The following DOCK9 variants were observed in gnomAD, a reference collection of about 807,000 sequenced individuals.
DOCK9 encodes dedicator of cytokinesis 9.
In DOCK9, 89 loss-of-function variants were observed where a neutral mutation model predicts 263.3. The ratio of observed to expected loss-of-function variants is 0.34; its 90% CI spans 0.28 to 0.40. DOCK9 has a LOEUF of 0.40. Ranked by LOEUF, DOCK9 falls within the 10% of genes least tolerant of loss-of-function variation. The pLI is 1.00. For missense variants in DOCK9, 2,140 were observed against 2,603.4 expected, an observed-to-expected ratio of 0.82 and a Z score of 3.87; for synonymous variants, 976 against 973.1, an observed-to-expected ratio of 1.00 and a Z score of -0.06.
chr13:99,056,345 T>C (rs148414604), intron 1 of DOCK9, among the ~76,000 whole-genome samples: 2 of 152,346 alleles, frequency 1.3e-5, no homozygotes, highest in Non-Finnish European at 2.9e-5. Flanking sequence ...TTTGAGAGTT[T>C]GTCTTTTAAA....
chr13:98,989,281 C>T (rs1211011049), intron 1 of DOCK9, among the ~76,000 whole-genome samples: 1 of 151,324 alleles, frequency 6.6e-6, no homozygotes, highest in Admixed American at 6.6e-5. Context: ...CCTAGTTCTG[C>T]CTCAAGTCAT....
chr13:99,029,522 T>G (rs1003294497), intron 1 of DOCK9, among the ~76,000 whole-genome samples: 1 of 152,180 alleles, frequency 6.6e-6, no homozygotes, highest in Non-Finnish European at 1.5e-5. Flanking sequence ...ATAAACAATT[T>G]TTAAAAACTA....
At chr13:98,860,155 A>G (rs2093819322) in intron 33 of DOCK9, 2 of 1,336,042 alleles carry the variant, frequency 1.5e-6, no homozygotes, top group Non-Finnish European at 1.9e-6. Context: ...AACGTTGAAC[A>G]AAAAGCAAAC....
At chr13:98,894,723 T>C (rs1330785854) in intron 15 of DOCK9, among the ~76,000 whole-genome samples, 3 of 151,792 alleles carry the variant, frequency 2.0e-5, no homozygotes, top group Non-Finnish European at 4.4e-5. Flanking sequence ...GTATGTATGA[T>C]AATATATTAC....
chr13:98,844,143 G>T (rs2141301712), intron 38 of DOCK9, among the ~76,000 whole-genome samples: 1 of 152,264 alleles, frequency 6.6e-6, no homozygotes, highest in East Asian at 1.9e-4. Context: ...TCCTGGTTTT[G>T]TTCCAATCCC....
chr13:99,024,732 T>C (rs1204844718), intron 1 of DOCK9, among the ~76,000 whole-genome samples: 2 of 152,202 alleles, frequency 1.3e-5, no homozygotes, highest in Non-Finnish European at 2.9e-5. Flanking sequence ...TATTGCAATT[T>C]AGTGAGATTT....
Position 98,950,084 on chromosome 13 carries a change from C to G in DOCK9, c.243+5351G>C, listed in dbSNP as rs1209565386. The G allele has an allele frequency of 2.1e-5, 10 of 470,526 alleles. No individual in the cohort carries two copies. In the East Asian group the frequency reaches 4.3e-4, roughly 20 times the overall value. 29.1% of individuals were successfully genotyped at this position (470,526 alleles called of 1,614,324 possible). A position where few individuals can be genotyped will look rare whatever the true frequency, so the allele number is the denominator to read the frequency against. ...CAACATTTTAGGCTCTTTGGGGTGA[C>G]TTTTACAAAGATACCACTGAAAATT... is the stretch of plus-strand genomic sequence containing the variant. On this transcript the variant is annotated intron_variant, in intron 2 of 52. Coordinates refer to ENST00000682017, the MANE Select transcript of DOCK9 (RefSeq NM_001366683.2).
chr13:98,870,260 G>A (rs1458390364), intron 27 of DOCK9, among the ~76,000 whole-genome samples: 1 of 152,150 alleles, frequency 6.6e-6, no homozygotes, highest in Non-Finnish European at 1.5e-5. Context: ...ACGAGGAAAT[G>A]TTTATAACCT....
At chr13:98,920,306 C>T (rs2051724999) in intron 7 of DOCK9, among the ~76,000 whole-genome samples, 2 of 152,050 alleles carry the variant, frequency 1.3e-5, no homozygotes, top group Admixed American at 1.3e-4. Flanking sequence ...GTACAACAGC[C>T]CTATGATAAC....
In DOCK9 at chr13:98,863,684, A is replaced by C. The variant is rs2093940407; in HGVS notation, c.3287-136T>G. The C allele has an allele frequency of 4.9e-5, 43 of 874,908 alleles. 1 individual carries two copies. The South Asian group carries it at 8.2e-4, about 17-fold the overall frequency. The allele number at this position is 874,908 out of a possible 1,614,324, so 54.2% of individuals were successfully genotyped here. On this transcript the variant is annotated intron_variant, in intron 30 of 52. Coordinates refer to ENST00000682017, the MANE Select transcript of DOCK9 (RefSeq NM_001366683.2). ...ACCCTGGGTGTCAAGAGATGATCAG[A>C]CTTGGCTTCAAATGAGAAAGAATCA...
In DOCK9 at chr13:99,080,138, T is replaced by G. The variant is rs2042070265; in HGVS notation, c.129+6085A>C. Among the ~76,000 whole-genome samples, 4 of 152,238 alleles carry G rather than the reference T, an allele frequency of 2.6e-5. No individual in the cohort carries two copies. The South Asian group carries it at 8.3e-4, about 32-fold the overall frequency. On this transcript the variant is annotated intron_variant, in intron 1 of 32. Transcript: ENST00000427887. ...TTTTATTTTACAAATAACTCTTATA[T>G]TTCACTATAATTTATTTCAGTATGT... is the stretch of plus-strand genomic sequence containing the variant.
intron 9 of DOCK9, among the ~76,000 whole-genome samples, chr13:98,913,364 C>A (rs2050369395): frequency 6.6e-6 from 1 of 152,036 alleles, no homozygotes; most frequent in Admixed American, 6.6e-5. Flanking sequence ...AAGAAAGAAT[C>A]ATTCAGATAC....
chr13:98,918,458 A>G (rs1466324121), intron 7 of DOCK9, among the ~76,000 whole-genome samples: 1 of 151,646 alleles, frequency 6.6e-6, no homozygotes, highest in Non-Finnish European at 1.5e-5. Context: ...TTCTATTTAT[A>G]TGTTATAACT....
At chr13:99,002,891 C>T (rs1882644470) in intron 1 of DOCK9, among the ~76,000 whole-genome samples, 1 of 152,062 alleles carries the variant, frequency 6.6e-6, no homozygotes, top group South Asian at 2.1e-4. Context: ...TCCTTGGCTT[C>T]CTCATCTATA....
intron 1 of DOCK9, among the ~76,000 whole-genome samples, chr13:98,962,725 G>A (rs1423902274): frequency 1.3e-5 from 2 of 151,370 alleles, no homozygotes; most frequent in African/African-American, 4.9e-5. Context: ...CATGCACAAA[G>A]GAAGACAAAT....
chr13:98,871,679 A>T (rs2094190454), intron 27 of DOCK9: 1 of 152,242 alleles, frequency 6.6e-6, no homozygotes, highest in South Asian at 2.1e-4. Context: ...TGAGACACTA[A>T]GGGACTTCTC....
intron 1 of DOCK9, among the ~76,000 whole-genome samples, chr13:99,013,231 G>C (rs1301344631): frequency 6.6e-6 from 1 of 152,146 alleles, no homozygotes; most frequent in Non-Finnish European, 1.5e-5. Flanking sequence ...AGCCTCCTGA[G>C]TAGCTAGGAC....
Position 99,028,531 on chromosome 13 carries a change from T to C in DOCK9, c.129+57692A>G, listed in dbSNP as rs575306817. Among the ~76,000 whole-genome samples, 5 of 152,214 alleles carry C rather than the reference T, an allele frequency of 3.3e-5. No individual in the cohort carries two copies. In the East Asian group the frequency reaches 7.7e-4, roughly 24 times the overall value. On this transcript the variant is annotated intron_variant, in intron 1 of 32. Coordinates refer to the DOCK9 transcript ENST00000427887. ...CTCAACTACTGAAAAGTGGCAGATA[T>C]GCATATTTCCTTCTTGCTTTTGGAG... is the stretch of plus-strand genomic sequence containing the variant.
At chr13:98,807,519 A>G in intron 48 of DOCK9, 142 bp downstream of exon 48, 1 of 659,320 alleles carries the variant, frequency 1.5e-6, no homozygotes, top group South Asian at 5.5e-5. Context: ...TAAAGGTATC[A>G]GGAAGAAAAT....
Sources: gnomAD v4.1 joint callset for allele counts (sites outside exome capture counted in the v4.1 genomes callset) on GRCh38, gnomAD v4.1.1 for gene constraint, MANE v1.5 for transcripts, NCBI Gene and HGNC (gene_info 2026-07-23, HGNC 2026-07-21) for gene names.